NKAPD1: variants seen among roughly 807,000 people sequenced by gnomAD.
NKAPD1 encodes the protein uncharacterized protein NKAPD1.
A neutral mutation model predicts 30.9 loss-of-function variants in NKAPD1; 12 were observed. The ratio of observed to expected loss-of-function variants is 0.39; its 90% CI spans 0.25 to 0.63. The LOEUF (loss-of-function observed/expected upper bound fraction) is 0.63. Ranked by LOEUF, NKAPD1 falls within the 20% of genes least tolerant of loss-of-function variation. NKAPD1 has a pLI of 0.51. For missense variants in NKAPD1, 311 were observed against 344.5 expected, an observed-to-expected ratio of 0.90 and a Z score of 0.77; for synonymous variants, 91 against 113.6, an observed-to-expected ratio of 0.80 and a Z score of 1.26.
At chr11:112,077,600 G>A (rs1339929974) in intron 2 of NKAPD1, among the ~76,000 whole-genome samples, 2 of 152,214 alleles carry the variant, frequency 1.3e-5, no homozygotes, top group South Asian at 4.1e-4. Flanking sequence ...AAATCATATT[G>A]CATTTTGGAA....
chr11:112,082,399 C>A, intron 5 of NKAPD1, 66 bp from the exon 6 acceptor site: 1 of 1,322,622 alleles, frequency 7.6e-7, no homozygotes, highest in Non-Finnish European at 1.0e-6. Context: ...ATCTAGAATG[C>A]AAAATATTAA....
In NKAPD1 at chr11:112,084,084, A is replaced by AT. The variant is rs1262861922; in HGVS notation, c.*1118dup. On this transcript the variant is annotated 3_prime_UTR_variant, in exon 6 of 6. Transcript: ENST00000393047. ...GGGAAGAAAGATCAAGTGACGTATT[A>AT]TTTTTTCCTGGTTGTCACTTAATGG... is the stretch of plus-strand genomic sequence containing the variant. The AT allele has an allele frequency of 2.0e-5, 3 of 152,560 alleles. No individual in the cohort carries two copies. The highest frequency in any genetic ancestry group is 2.1e-4 in the South Asian group (1 of 4,834). 9.5% of individuals were successfully genotyped at this position (152,560 alleles called of 1,614,324 possible). A position where few individuals can be genotyped will look rare whatever the true frequency, so the allele number is the denominator to read the frequency against.
chr11:112,080,278 T>C (rs1865419356), intron 3 of NKAPD1, 131 bp from the exon 4 acceptor site: 4 of 863,176 alleles, frequency 4.6e-6, no homozygotes, highest in Middle Eastern at 3.5e-4. Flanking sequence ...CCTTTTTTTT[T>C]TTTTTTTTTA....
chr11:112,078,338 T>C lies in NKAPD1; in HGVS notation c.170+23T>C, dbSNP rs747829808. 4 of 1,523,902 alleles carry C rather than the reference T, an allele frequency of 2.6e-6. No individual in the cohort carries two copies. The East Asian group carries it at 9.2e-5, about 35-fold the overall frequency. The allele number at this position is 1,523,902 out of a possible 1,614,324, so 94.4% of individuals were successfully genotyped here. A position where few individuals can be genotyped will look rare whatever the true frequency, so the allele number is the denominator to read the frequency against. ...AAGGTGAAGTTGCAGCTCTGAGAAC[T>C]AAAATAATTCTCATCTTTTTCAGAA... On this transcript the variant is annotated intron_variant, in intron 3 of 5. Coordinates refer to ENST00000393047, the MANE Select transcript of NKAPD1 (RefSeq NM_018195.4).
chr11:112,078,461 A>G lies in NKAPD1; in HGVS notation c.170+146A>G, dbSNP rs117676981. 7.6e-4 allele frequency: 534 copies of G among 700,464 alleles called. 1 individual carries two copies. Among genetic ancestry groups the G allele is most frequent in the East Asian group, 6.3e-3 (230 of 36,444 alleles). The allele number at this position is 700,464 out of a possible 1,614,324, so 43.4% of individuals were successfully genotyped here. A position where few individuals can be genotyped will look rare whatever the true frequency, so the allele number is the denominator to read the frequency against. ...TTCTTTCGTAAATCTAGACCCAGGCATAAAGATAATGGCTGTGACGCATAT... is the reference window on the plus strand; with the variant it reads ...TTCTTTCGTAAATCTAGACCCAGGCGTAAAGATAATGGCTGTGACGCATAT... On this transcript the variant is annotated intron_variant, in intron 3 of 5. Coordinates refer to ENST00000393047, the MANE Select transcript of NKAPD1 (RefSeq NM_018195.4).
In NKAPD1 at chr11:112,083,501, T is replaced by C. The variant is rs1865509196; in HGVS notation, c.*529T>C. 2 of 152,860 alleles carry C rather than the reference T, an allele frequency of 1.3e-5. No individual in the cohort carries two copies. Among genetic ancestry groups the C allele is most frequent in the Non-Finnish European group, 2.9e-5 (2 of 68,196 alleles). 9.5% of individuals were successfully genotyped at this position (152,860 alleles called of 1,614,324 possible). On this transcript the variant is annotated 3_prime_UTR_variant, in exon 6 of 6. Transcript: ENST00000393047. ...TGGTCCGGTTTACTTAATCAGGACA[T>C]GGGCCTAAGAACAAACCTTTTCCCT...
At chr11:112,077,216 A>G (rs1422932490) in intron 2 of NKAPD1, among the ~76,000 whole-genome samples, 2 of 152,246 alleles carry the variant, frequency 1.3e-5, no homozygotes, top group African/African-American at 2.4e-5. Context: ...CTATGCAATT[A>G]TGTTAACCTG....
chr11:112,076,415 TATAATG>T (rs1865332250), intron 2 of NKAPD1, among the ~76,000 whole-genome samples: 1 of 152,096 alleles, frequency 6.6e-6, no homozygotes, highest in African/African-American at 2.4e-5. Context: ...CTAATTAGAT[TATAATG>T]ATAAGAATGG....
At chr11:112,079,703 C>G (rs1397812126) in intron 3 of NKAPD1, among the ~76,000 whole-genome samples, 1 of 152,174 alleles carries the variant, frequency 6.6e-6, no homozygotes, top group African/African-American at 2.4e-5. Context: ...GCATGCCCTC[C>G]TAGTTGAGAA....
chr11:112,083,540 C>T lies in NKAPD1; in HGVS notation c.*568C>T, dbSNP rs1865510064. On this transcript the variant is annotated 3_prime_UTR_variant, in exon 6 of 6. Coordinates refer to ENST00000393047, the MANE Select transcript of NKAPD1 (RefSeq NM_018195.4). ...AACCTTTTCCCTTCATGATAACATC[C>T]ATAGACAACTTATTAGAAGGGACTA... 1 of 152,690 alleles carries T rather than the reference C, an allele frequency of 6.5e-6. No homozygotes were observed. The highest frequency in any genetic ancestry group is 2.4e-5 in the African/African-American group (1 of 41,452). The allele number at this position is 152,690 out of a possible 1,614,324, so 9.5% of individuals were successfully genotyped here. A position where few individuals can be genotyped will look rare whatever the true frequency, so the allele number is the denominator to read the frequency against.
chr11:112,075,813 C>A, intron 2 of NKAPD1, 170 bp downstream of exon 2: 1 of 669,160 alleles, frequency 1.5e-6, no homozygotes, highest in Non-Finnish European at 2.5e-6. Context: ...AATTATAATA[C>A]AGTTTGATAA....
rs554244479 is a variant in NKAPD1 at position 112,083,001 on chromosome 11, CTG to C, written c.*32_*33del. The stretch of plus-strand genomic sequence containing the variant: ...GGAAACACTTTTGTTTTCCACATGA[CTG>C]TGGATATTTACAGTTCTTACTCCTT... On this transcript the variant is annotated 3_prime_UTR_variant, in exon 6 of 6. Coordinates refer to ENST00000393047, the MANE Select transcript of NKAPD1 (RefSeq NM_018195.4). The C allele has an allele frequency of 1.8e-4, 283 of 1,563,964 alleles. 1 individual carries two copies. In the African/African-American group the frequency reaches 3.3e-3, roughly 18 times the overall value.
In NKAPD1 at chr11:112,074,747, G is replaced by C. The variant is rs1865274617; in HGVS notation, c.-178G>C. On this transcript the variant is annotated 5_prime_UTR_variant, in exon 1 of 6. Transcript: ENST00000393047. ...AACGCGGCAGTGGCCTGGGCCACAG[G>C]TGAGGGCAGAGTAACCAGTGGGAAG... 2.7e-6 allele frequency: 1 copy of C among 365,090 alleles called. No individual in the cohort carries two copies. Among genetic ancestry groups the C allele is most frequent in the African/African-American group, 2.1e-5 (1 of 47,992 alleles). The allele number at this position is 365,090 out of a possible 1,614,324, so 22.6% of individuals were successfully genotyped here. A position where few individuals can be genotyped will look rare whatever the true frequency, so the allele number is the denominator to read the frequency against.
Position 112,082,779 on chromosome 11 carries a change from A to C in NKAPD1, c.689A>C (p.His230Pro). 9 of 1,613,866 alleles carry C rather than the reference A, an allele frequency of 5.6e-6. No homozygotes were observed. Among genetic ancestry groups the C allele is most frequent in the Non-Finnish European group, 7.6e-6 (9 of 1,179,984 alleles). Residue 230 changes from histidine (H) to proline (P), a missense_variant, in exon 6 of 6, where the codon CAT (histidine) becomes CCT (proline). Coordinates refer to ENST00000393047, the MANE Select transcript of NKAPD1 (RefSeq NM_018195.4). ...LFLEAESNTSHSDDSASSSSE... is the reference protein window; with the variant it reads ...LFLEAESNTSPSDDSASSSSE... ...TTAGAGGCAGAAAGTAACACTTCAC[A>C]TTCAGATGATTCAGCATCCAGCAGT...
chr11:112,076,037 A>G, intron 2 of NKAPD1, among the ~76,000 whole-genome samples: 1 of 152,364 alleles, frequency 6.6e-6, no homozygotes, highest in Non-Finnish European at 1.5e-5. Flanking sequence ...GAGAAAGAGC[A>G]TTAATCACTT....
rs947954936 is a variant in NKAPD1, at chr11:112,083,867, AATT to A, written c.*899_*901del. ...TTAGGTTTTCCCTGAAACTAAGTTG[AATT>A]ATTTCCAAAATGAAACAGGCTTCTC... On this transcript the variant is annotated 3_prime_UTR_variant, in exon 6 of 6. Coordinates refer to ENST00000393047, the MANE Select transcript of NKAPD1 (RefSeq NM_018195.4). 2 of 152,532 alleles carry A rather than the reference AATT, an allele frequency of 1.3e-5. No individual in the cohort carries two copies. Among genetic ancestry groups the A allele is most frequent in the African/African-American group, 4.8e-5 (2 of 41,420 alleles). The allele number at this position is 152,532 out of a possible 1,614,324, so 9.4% of individuals were successfully genotyped here.
intron 2 of NKAPD1, among the ~76,000 whole-genome samples, chr11:112,076,984 T>C (rs1423127876): frequency 6.6e-6 from 1 of 152,240 alleles, no homozygotes; most frequent in Non-Finnish European, 1.5e-5. Flanking sequence ...AAGTTGGGGC[T>C]GGACATAAAG....
Position 112,083,040 on chromosome 11 carries a change from A to G in NKAPD1, c.*68A>G, listed in dbSNP as rs1865494886. The stretch of plus-strand genomic sequence containing the variant: ...AGTTCTTACTCCTTGTGGTTTTGCC[A>G]GTGACTCTTGTTCAGCACGGGGCCT... On this transcript the variant is annotated 3_prime_UTR_variant, in exon 6 of 6. Coordinates refer to ENST00000393047, the MANE Select transcript of NKAPD1 (RefSeq NM_018195.4). 4 of 1,512,050 alleles carry G rather than the reference A, an allele frequency of 2.6e-6. No homozygotes were observed. The highest frequency in any genetic ancestry group is 4.5e-5 in the East Asian group (2 of 44,148). The allele number at this position is 1,512,050 out of a possible 1,614,324, so 93.7% of individuals were successfully genotyped here.
At position 112,082,933 on chromosome 11, in the gene NKAPD1, T is replaced by G; in HGVS notation, c.843T>G (p.Ala281=). 1.2e-6 allele frequency: 2 copies of G among 1,606,784 alleles called. No individual in the cohort carries two copies. The highest frequency in any genetic ancestry group is 1.7e-6 in the Non-Finnish European group (2 of 1,178,342). ...ACAAACGCACAAATTGGAAAGTAGCTACAGATGAAAGGTCTGCTGAGAGCT... is the reference window on the plus strand; with the variant it reads ...ACAAACGCACAAATTGGAAAGTAGCGACAGATGAAAGGTCTGCTGAGAGCT... ...RTNKRTNWKV[A]TDERSAESSE... is the part of the protein sequence containing the mutation. Residue 281 remains alanine (A), a synonymous_variant, in exon 6 of 6, where the codon GCT becomes GCG. Transcript: ENST00000393047.
Sources: gnomAD v4.1 joint callset for allele counts (sites outside exome capture counted in the v4.1 genomes callset) on GRCh38, gnomAD v4.1.1 for gene constraint, MANE v1.5 for transcripts, NCBI Gene and HGNC (gene_info 2026-07-23, HGNC 2026-07-21) for gene names.